Variants in GRM1 observed in about 807,000 individuals in gnomAD.
GRM1 encodes the protein metabotropic glutamate receptor 1.
In GRM1, 33 loss-of-function variants were observed where a neutral mutation model predicts 90.9. The ratio of observed to expected loss-of-function variants is 0.36; its 90% CI spans 0.28 to 0.49. The LOEUF (loss-of-function observed/expected upper bound fraction) is 0.49, where lower values mean the gene tolerates loss of function less well. Ranked by LOEUF, GRM1 falls within the 20% of genes least tolerant of loss-of-function variation. The pLI is 0.99. For missense variants in GRM1, 1,190 were observed against 1,534.3 expected, an observed-to-expected ratio of 0.78 and a Z score of 3.75; for synonymous variants, 700 against 613.2, an observed-to-expected ratio of 1.14 and a Z score of -2.09.
intron 1 of GRM1, among the ~76,000 whole-genome samples, chr6:146,147,905 A>T (rs1486173479): frequency 6.6e-6 from 1 of 152,200 alleles, no homozygotes; most frequent in Non-Finnish European, 1.5e-5. Context: ...AAAAGAAAAA[A>T]AGAAGACAAA....
At chr6:146,111,865 G>A (rs1449618307) in intron 1 of GRM1, among the ~76,000 whole-genome samples, 2 of 152,180 alleles carry the variant, frequency 1.3e-5, no homozygotes, top group Admixed American at 1.3e-4. Flanking sequence ...GTGATACAAT[G>A]CTTGATAGTT....
At position 146,387,058 on chromosome 6, in the gene GRM1, G is replaced by C. The variant is rs1273987185; in HGVS notation, c.1729+42G>C. On this transcript the variant is annotated intron_variant, in intron 6 of 7. Transcript: ENST00000282753. ...TTGGAAACCTTGTGCCTCACTATTT[G>C]CCTTTCCAATGTGTCCATCCCTCAA... 1.9e-6 allele frequency: 3 copies of C among 1,600,146 alleles called. No individual in the cohort carries two copies. The African/African-American group carries it at 4.0e-5, about 21-fold the overall frequency.
intron 2 of GRM1, among the ~76,000 whole-genome samples, chr6:146,213,427 G>T (rs1046123256): frequency 2.0e-5 from 3 of 152,130 alleles, no homozygotes; most frequent in Admixed American, 1.3e-4. Context: ...TTGCATTTTA[G>T]AAAAATCTCT....
At chr6:146,198,447 G>A (rs1014614378) in intron 2 of GRM1, among the ~76,000 whole-genome samples, 8 of 152,150 alleles carry the variant, frequency 5.3e-5, no homozygotes, top group African/African-American at 1.9e-4. Context: ...TTCGGCTAGA[G>A]GTGGGGGAAA....
At chr6:146,375,735 C>A (rs180746379) in intron 5 of GRM1, among the ~76,000 whole-genome samples, 126 of 152,072 alleles carry the variant, frequency 8.3e-4, no homozygotes, top group Non-Finnish European at 1.5e-3. Context: ...TCCATTAGCA[C>A]GGATTATCTT....
chr6:146,094,097 T>C (rs1318577358), intron 1 of GRM1, among the ~76,000 whole-genome samples: 1 of 152,086 alleles, frequency 6.6e-6, no homozygotes, highest in Admixed American at 6.6e-5. Context: ...TACATGACTT[T>C]CTTAGATATA....
chr6:146,189,577 C>A (rs975983144), intron 2 of GRM1, among the ~76,000 whole-genome samples: 2 of 152,114 alleles, frequency 1.3e-5, no homozygotes, highest in African/African-American at 4.8e-5. Context: ...TGTTAGAGGT[C>A]TTTATATATC....
chr6:146,423,813 T>C (rs1473649281), intron 7 of GRM1, among the ~76,000 whole-genome samples: 1 of 152,172 alleles, frequency 6.6e-6, no homozygotes, highest in East Asian at 1.9e-4. Flanking sequence ...CTGCATTGTT[T>C]GCAGGGCCCA....
intron 1 of GRM1, among the ~76,000 whole-genome samples, chr6:146,110,215 C>G (rs1775503217): frequency 6.6e-6 from 1 of 152,160 alleles, no homozygotes; most frequent in African/African-American, 2.4e-5. Flanking sequence ...CAAATCTCAT[C>G]TTGAATTGTA....
At chr6:146,191,193 T>C (rs372950744) in intron 2 of GRM1, among the ~76,000 whole-genome samples, 2 of 152,230 alleles carry the variant, frequency 1.3e-5, no homozygotes, top group Admixed American at 6.5e-5. Context: ...CTTCTTGCCA[T>C]CGTGCCCCCA....
chr6:146,336,483 C>T (rs1784775435), intron 3 of GRM1, among the ~76,000 whole-genome samples: 1 of 152,176 alleles, frequency 6.6e-6, no homozygotes, highest in African/African-American at 2.4e-5. Flanking sequence ...TTCTGGCATA[C>T]AGCAAACGAT....
At chr6:146,231,638 T>G (rs953485860) in intron 2 of GRM1, among the ~76,000 whole-genome samples, 5 of 152,156 alleles carry the variant, frequency 3.3e-5, no homozygotes, top group Admixed American at 2.0e-4. Flanking sequence ...GTTCCTAGTT[T>G]CTTGAAAGTT....
chr6:146,161,744 A>T (rs1312560756), intron 2 of GRM1, among the ~76,000 whole-genome samples: 2 of 152,198 alleles, frequency 1.3e-5, no homozygotes, highest in Non-Finnish European at 2.9e-5. Flanking sequence ...GCTACTTTCC[A>T]CGAGTGTCTA....
At chr6:146,329,858 T>A (rs550987044) in intron 3 of GRM1, among the ~76,000 whole-genome samples, 2 of 152,332 alleles carry the variant, frequency 1.3e-5, no homozygotes, top group East Asian at 3.9e-4. Flanking sequence ...ATGTAATTTA[T>A]TGAATACTGT....
intron 3 of GRM1, among the ~76,000 whole-genome samples, chr6:146,312,795 G>C (rs1191213261): frequency 6.6e-6 from 1 of 152,200 alleles, no homozygotes; most frequent in Non-Finnish European, 1.5e-5. Flanking sequence ...AATTACAACA[G>C]CTGAAAGTTG....
At chr6:146,197,271 A>G (rs1364861407) in intron 2 of GRM1, among the ~76,000 whole-genome samples, 1 of 152,256 alleles carries the variant, frequency 6.6e-6, no homozygotes, top group East Asian at 1.9e-4. Flanking sequence ...TATTGAAAAA[A>G]GGATCCAAGG....
chr6:146,391,225 T>A (rs1014142588), intron 6 of GRM1, among the ~76,000 whole-genome samples: 1 of 152,096 alleles, frequency 6.6e-6, no homozygotes, highest in African/African-American at 2.4e-5. Flanking sequence ...AAGGATCTTA[T>A]AAGTACCCTA....
At chr6:146,432,241 G>A (rs1223702635) in intron 7 of GRM1, among the ~76,000 whole-genome samples, 1 of 152,058 alleles carries the variant, frequency 6.6e-6, no homozygotes, top group Admixed American at 6.5e-5. Flanking sequence ...ATATATGGAG[G>A]AACTACCTAT....
intron 2 of GRM1, among the ~76,000 whole-genome samples, chr6:146,168,963 G>A (rs961895823): frequency 2.6e-5 from 4 of 152,024 alleles, no homozygotes; most frequent in African/African-American, 7.2e-5. Flanking sequence ...CTTATTGAAC[G>A]TTTTAGATTA....
Sources: allele counts gnomAD v4.1 joint callset (sites outside exome capture counted in the v4.1 genomes callset), GRCh38; gene constraint gnomAD v4.1.1; transcripts MANE v1.5; gene names NCBI Gene and HGNC (gene_info 2026-07-23, HGNC 2026-07-21).